CACNA1D: variants seen among roughly 807,000 people sequenced by gnomAD.
CACNA1D encodes the protein calcium voltage-gated channel subunit alpha1 D.
CACNA1D carries 55 observed loss-of-function variants against 257.1 expected under a neutral mutation model. The ratio of observed to expected loss-of-function variants is 0.21; its 90% CI spans 0.17 to 0.27. CACNA1D has a LOEUF of 0.27. Among genes scored for constraint, CACNA1D ranks in the 10% least tolerant of loss-of-function variants. The pLI is 1.00. For missense variants in CACNA1D, 1,876 were observed against 2,784.0 expected (o/e 0.67, Z 7.34); for synonymous variants, 980 against 1,014.9 (o/e 0.97, Z 0.65).
At position 53,494,889 on chromosome 3, in the gene CACNA1D, TTAAGA is replaced by T. The variant is rs1049956132; in HGVS notation, c.-274_-270del. The stretch of plus-strand genomic sequence containing the variant: ...AGCAAAAAATTACATGTATATATTA[TTAAGA>T]TAATATATACATTGGATTTTATTTT... On this transcript the variant is annotated 5_prime_UTR_variant, in exon 1 of 48. It removes the in-frame stop codon of an upstream open reading frame in the 5' UTR. Transcript: ENST00000350061. 2.8e-6 allele frequency: 1 copy of T among 362,436 alleles called. No individual in the cohort carries two copies. The highest frequency in any genetic ancestry group is 2.1e-5 in the African/African-American group (1 of 48,364). 22.5% of individuals were successfully genotyped at this position (362,436 alleles called of 1,614,324 possible). A position where few individuals can be genotyped will look rare whatever the true frequency, so the allele number is the denominator to read the frequency against.
At chr3:53,648,330 T>A (rs759715129) in intron 3 of CACNA1D, among the ~76,000 whole-genome samples, 4 of 152,152 alleles carry the variant, frequency 2.6e-5, no homozygotes, top group Non-Finnish European at 5.9e-5. Flanking sequence ...CCTTTGGTGG[T>A]CAGGGTCTGA....
At chr3:53,529,635 G>A (rs1372260740) in intron 3 of CACNA1D, among the ~76,000 whole-genome samples, 3 of 152,168 alleles carry the variant, frequency 2.0e-5, no homozygotes, top group Admixed American at 2.0e-4. Context: ...TTAATGATCA[G>A]CCAAGAGTCT....
In CACNA1D at chr3:53,547,248, C is replaced by T. The variant is rs559176093; in HGVS notation, c.483+45528C>T. On this transcript the variant is annotated intron_variant, in intron 3 of 47. Coordinates refer to ENST00000350061, the MANE Select transcript of CACNA1D (RefSeq NM_001128840.3). ...GGTCCTAAGTGCTCCCCTGCCTTTG[C>T]CTGCTTGCCCCCCATTCATTTGTTC... Among the ~76,000 whole-genome samples, 316 of 152,244 alleles carry T rather than the reference C, an allele frequency of 2.1e-3. 2 individuals are homozygous for T. Among genetic ancestry groups the T allele is most frequent in the Non-Finnish European group, 3.5e-3 (238 of 68,028 alleles).
chr3:53,597,850 G>A (rs937457554), intron 3 of CACNA1D, among the ~76,000 whole-genome samples: 29 of 152,336 alleles, frequency 1.9e-4, no homozygotes, highest in Non-Finnish European at 3.4e-4. Context: ...TAACTCTGGG[G>A]AAAAGGGTGT....
intron 3 of CACNA1D, among the ~76,000 whole-genome samples, chr3:53,545,804 G>A (rs1013973208): frequency 6.6e-6 from 1 of 152,210 alleles, no homozygotes; most frequent in African/African-American, 2.4e-5. Flanking sequence ...GGGGCAGGGG[G>A]CAGGGAGGAG....
intron 3 of CACNA1D, among the ~76,000 whole-genome samples, chr3:53,635,209 C>A (rs1478600940): frequency 2.6e-5 from 4 of 152,172 alleles, no homozygotes; most frequent in Non-Finnish European, 5.9e-5. Context: ...CAAACAGCCG[C>A]CATGCCTGCT....
At chr3:53,608,766 G>T (rs1295437512) in intron 3 of CACNA1D, among the ~76,000 whole-genome samples, 2 of 152,072 alleles carry the variant, frequency 1.3e-5, no homozygotes, top group Non-Finnish European at 2.9e-5. Flanking sequence ...CACTAATATA[G>T]TAAATAGCAT....
chr3:53,752,914 T>C (rs1287345811), intron 28 of CACNA1D, among the ~76,000 whole-genome samples: 1 of 152,196 alleles, frequency 6.6e-6, no homozygotes, highest in Admixed American at 6.5e-5. Flanking sequence ...GATTATAGTA[T>C]GGTATTAACA....
chr3:53,681,243 G>A (rs370166439), intron 8 of CACNA1D, among the ~76,000 whole-genome samples: 23 of 152,272 alleles, frequency 1.5e-4, no homozygotes, highest in African/African-American at 4.6e-4. Flanking sequence ...AAAGATCCAC[G>A]GTCTTATGAG....
chr3:53,550,365 C>T (rs1246794064), intron 3 of CACNA1D, among the ~76,000 whole-genome samples: 3 of 152,156 alleles, frequency 2.0e-5, no homozygotes, highest in African/African-American at 7.2e-5. Flanking sequence ...CTCCCATCAA[C>T]CCAGGTCTAG....
intron 39 of CACNA1D, among the ~76,000 whole-genome samples, chr3:53,783,659 C>T (rs536274816): frequency 2.6e-5 from 4 of 152,290 alleles, no homozygotes; most frequent in African/African-American, 9.6e-5. Flanking sequence ...AAGGAAGTTC[C>T]GAAGGCAGTG....
intron 3 of CACNA1D, among the ~76,000 whole-genome samples, chr3:53,537,290 G>T (rs1200375591): frequency 6.6e-6 from 1 of 152,142 alleles, no homozygotes; most frequent in Non-Finnish European, 1.5e-5. Context: ...ATTCAAATAT[G>T]TACAGCACAA....
At chr3:53,773,275 G>T in intron 33 of CACNA1D, 1 of 327,376 alleles carries the variant, frequency 3.1e-6, no homozygotes. Flanking sequence ...CAGAAGGCTG[G>T]TGCTGAGCCA....
chr3:53,780,501 T>C (rs753140079), intron 38 of CACNA1D, among the ~76,000 whole-genome samples: 6 of 152,238 alleles, frequency 3.9e-5, no homozygotes, highest in Non-Finnish European at 8.8e-5. Context: ...GTCTGAGCTG[T>C]AGTTTCTTTC....
At chr3:53,579,012 C>T (rs1426692405) in intron 3 of CACNA1D, among the ~76,000 whole-genome samples, 1 of 152,162 alleles carries the variant, frequency 6.6e-6, no homozygotes, top group Non-Finnish European at 1.5e-5. Flanking sequence ...GGGAATTCCT[C>T]TGACAGCCTG....
intron 3 of CACNA1D, among the ~76,000 whole-genome samples, chr3:53,586,276 CTGTGTGTGTG>C (rs57318445): frequency 0.03 from 4,111 of 136,008 alleles, 86 homozygotes; most frequent in African/African-American, 0.07. Context: ...TGCCTCTATT[CTGTGTGTGTG>C]TGTGTGTGTG....
At chr3:53,592,967 G>C (rs1217751551) in intron 3 of CACNA1D, among the ~76,000 whole-genome samples, 3 of 152,192 alleles carry the variant, frequency 2.0e-5, no homozygotes, top group African/African-American at 7.2e-5. Context: ...GGGATTACAG[G>C]TGTGAGCCAC....
At chr3:53,526,622 C>T (rs2091774322) in intron 3 of CACNA1D, among the ~76,000 whole-genome samples, 1 of 152,222 alleles carries the variant, frequency 6.6e-6, no homozygotes, top group South Asian at 2.1e-4. Context: ...ATGGCACGCC[C>T]TCCAATTGGC....
intron 3 of CACNA1D, among the ~76,000 whole-genome samples, chr3:53,565,329 AACAC>A (rs745322541): frequency 2.7e-5 from 4 of 150,942 alleles, no homozygotes; most frequent in African/African-American, 7.3e-5. Flanking sequence ...TTTTGACTGT[AACAC>A]ACACACACAC....
Sources: allele counts gnomAD v4.1 joint callset (sites outside exome capture counted in the v4.1 genomes callset), GRCh38; gene constraint gnomAD v4.1.1; transcripts MANE v1.5; gene names NCBI Gene and HGNC (gene_info 2026-07-23, HGNC 2026-07-21).